GABRB3: variants seen among roughly 807,000 people sequenced by gnomAD.
GABRB3 encodes gamma-aminobutyric acid receptor subunit beta-3.
GABRB3 carries 14 observed loss-of-function variants against 52.1 expected under a neutral mutation model. The ratio of observed to expected loss-of-function variants is 0.27; its 90% confidence interval spans 0.18 to 0.42. The LOEUF is 0.42. Ranked by LOEUF, GABRB3 falls within the 10% of genes least tolerant of loss-of-function variation. GABRB3 has a pLI of 1.00. For missense variants in GABRB3, 307 were observed against 609.1 expected, an observed-to-expected ratio of 0.50 and a Z score of 5.22; for synonymous variants, 260 against 232.3, an observed-to-expected ratio of 1.12 and a Z score of -1.08.
chr15:26,686,458 T>C (rs183971435), intron 3 of GABRB3, among the ~76,000 whole-genome samples: 16 of 152,296 alleles, frequency 1.1e-4, no homozygotes, highest in Non-Finnish European at 1.6e-4. Context: ...GTGATACTGA[T>C]AAATAACAGT....
chr15:26,599,713 T>C (rs894437799), intron 4 of GABRB3, among the ~76,000 whole-genome samples: 1 of 152,188 alleles, frequency 6.6e-6, no homozygotes, highest in South Asian at 2.1e-4. Flanking sequence ...AGTGAAGGTC[T>C]ATCACTGCCA....
At chr15:26,599,655 T>C (rs1891516879) in intron 4 of GABRB3, among the ~76,000 whole-genome samples, 1 of 152,234 alleles carries the variant, frequency 6.6e-6, no homozygotes, top group South Asian at 2.1e-4. Context: ...AAGGTTGTCA[T>C]GAGCTGGCCT....
intron 3 of GABRB3, among the ~76,000 whole-genome samples, chr15:26,752,366 A>C (rs1052923091): frequency 5.3e-5 from 8 of 151,550 alleles, no homozygotes; most frequent in African/African-American, 1.9e-4. Context: ...TGGGTTCAAG[A>C]GATTCTCCTG....
intron 3 of GABRB3, among the ~76,000 whole-genome samples, chr15:26,683,676 T>C (rs544794595): frequency 6.6e-6 from 1 of 152,258 alleles, no homozygotes; most frequent in African/African-American, 2.4e-5. Flanking sequence ...AGTTTAGACC[T>C]GAAAAACGCT....
intron 3 of GABRB3, among the ~76,000 whole-genome samples, chr15:26,645,704 A>T (rs1893329491): frequency 6.6e-6 from 1 of 152,130 alleles, no homozygotes; most frequent in Non-Finnish European, 1.5e-5. Context: ...AGGACTCCGA[A>T]TTCATGCTTG....
At chr15:26,740,871 G>T (rs1344720958) in intron 3 of GABRB3, among the ~76,000 whole-genome samples, 1 of 152,126 alleles carries the variant, frequency 6.6e-6, no homozygotes, top group East Asian at 1.9e-4. Flanking sequence ...TGTGCCATAA[G>T]ACACCTCCCA....
chr15:26,764,857 A>G (rs945453819), intron 3 of GABRB3, among the ~76,000 whole-genome samples: 5 of 152,184 alleles, frequency 3.3e-5, no homozygotes, highest in African/African-American at 1.2e-4. Flanking sequence ...AAGGCCAGGC[A>G]CGGTGGCTCA....
intron 3 of GABRB3, among the ~76,000 whole-genome samples, chr15:26,718,076 A>AGT (rs1032164439): frequency 2.6e-5 from 4 of 152,232 alleles, no homozygotes; most frequent in African/African-American, 9.6e-5. Flanking sequence ...AGCACTGTTT[A>AGT]GTGTTCTTTT....
intron 3 of GABRB3, among the ~76,000 whole-genome samples, chr15:26,731,597 A>G (rs1365476747): frequency 6.6e-6 from 1 of 152,146 alleles, no homozygotes; most frequent in Non-Finnish European, 1.5e-5. Context: ...CAGCTCAACC[A>G]GGAGATTAGA....
chr15:26,752,578 G>T (rs1389210293), intron 3 of GABRB3, among the ~76,000 whole-genome samples: 1 of 151,998 alleles, frequency 6.6e-6, no homozygotes, highest in Non-Finnish European at 1.5e-5. Context: ...CCTTTAATAA[G>T]TGTTTTTTCA....
chr15:26,596,778 C>T (rs539118777), intron 4 of GABRB3, among the ~76,000 whole-genome samples: 49 of 152,150 alleles, frequency 3.2e-4, no homozygotes, highest in South Asian at 6.2e-4. Flanking sequence ...ATGGGTGAGA[C>T]AACCTTCATT....
At chr15:26,608,373 GA>G (rs1305138364) in intron 4 of GABRB3, among the ~76,000 whole-genome samples, 1 of 152,032 alleles carries the variant, frequency 6.6e-6, no homozygotes, top group African/African-American at 2.4e-5. Context: ...AACATAGGGG[GA>G]AAACTACATG....
At chr15:26,591,455 G>A (rs555514560) in intron 4 of GABRB3, among the ~76,000 whole-genome samples, 1 of 152,294 alleles carries the variant, frequency 6.6e-6, no homozygotes, top group Non-Finnish European at 1.5e-5. Flanking sequence ...TTTGGTGAAT[G>A]AGTAGTCCCA....
chr15:26,650,911 C>T (rs1315816077), intron 3 of GABRB3, among the ~76,000 whole-genome samples: 1 of 152,124 alleles, frequency 6.6e-6, no homozygotes, highest in Non-Finnish European at 1.5e-5. Context: ...CCTGTCCCCT[C>T]TCCAGCTCCA....
At chr15:26,611,564 C>CTA (rs1416806786) in intron 4 of GABRB3, among the ~76,000 whole-genome samples, 2 of 152,016 alleles carry the variant, frequency 1.3e-5, no homozygotes, top group East Asian at 3.9e-4. Context: ...AAATTATGGC[C>CTA]TATGCTAAAT....
chr15:26,742,042 G>A (rs143174194), intron 3 of GABRB3, among the ~76,000 whole-genome samples: 50 of 151,980 alleles, frequency 3.3e-4, no homozygotes, highest in Non-Finnish European at 6.0e-4. Flanking sequence ...TTAAAAGTAC[G>A]CGGTTTTTTT....
intron 3 of GABRB3, among the ~76,000 whole-genome samples, chr15:26,715,538 G>C (rs1595547281): frequency 1.3e-5 from 2 of 152,288 alleles, no homozygotes; most frequent in South Asian, 4.1e-4. Context: ...GCAGGAACGA[G>C]AAGGACATGA....
chr15:26,645,421 C>T (rs1045999160), intron 3 of GABRB3, among the ~76,000 whole-genome samples: 8 of 152,110 alleles, frequency 5.3e-5, no homozygotes, highest in African/African-American at 1.9e-4. Context: ...GGTAGGAGTC[C>T]ACTCCTGTGA....
intron 6 of GABRB3, among the ~76,000 whole-genome samples, chr15:26,569,896 CTATATT>C (rs1339178084): frequency 6.6e-6 from 1 of 152,186 alleles, no homozygotes; most frequent in African/African-American, 2.4e-5. Context: ...TGTTTGTTCT[CTATATT>C]TAATCTTGTA....
Sources: allele counts gnomAD v4.1 joint callset (sites outside exome capture counted in the v4.1 genomes callset), GRCh38; gene constraint gnomAD v4.1.1; transcripts MANE v1.5; gene names NCBI Gene and HGNC (gene_info 2026-07-23, HGNC 2026-07-21).